Variants in NR4A1 observed in about 807,000 individuals in gnomAD.
The protein encoded by NR4A1 is nuclear receptor subfamily 4immunitygroup A member 1.
NR4A1 carries 24 observed loss-of-function variants against 47.5 expected under a neutral mutation model. The ratio of observed to expected loss-of-function variants is 0.50; its 90% CI spans 0.37 to 0.71. NR4A1 has a LOEUF of 0.71. NR4A1 is among the 30% of genes least tolerant of loss of function. The pLI is 0.00. For missense variants in NR4A1, 669 were observed against 788.6 expected, an observed-to-expected ratio of 0.85 and a Z score of 1.82; for synonymous variants, 353 against 345.7, an observed-to-expected ratio of 1.02 and a Z score of -0.24.
intron 1 of NR4A1, chr12:52,052,664 T>G: frequency 1.0e-6 from 1 of 985,494 alleles, no homozygotes; most frequent in South Asian, 4.7e-5. Context: ...ATATCTTGTG[T>G]TGTTAAGAAC....
intron 1 of NR4A1, 110 bp downstream of exon 1, chr12:52,051,678 G>A (rs1351542762): frequency 4.1e-6 from 3 of 723,000 alleles, no homozygotes; most frequent in Non-Finnish European, 5.1e-6. Context: ...AAGAGGGTAG[G>A]TGTAGTGTGC....
At chr12:52,028,747 T>C (rs1938054947) in intron 1 of NR4A1, among the ~76,000 whole-genome samples, 1 of 151,570 alleles carries the variant, frequency 6.6e-6, no homozygotes, top group African/African-American at 2.4e-5. Flanking sequence ...CTACTAAAAA[T>C]ACAAAAATTA....
intron 5 of NR4A1, 25 bp from the exon 6 acceptor site, chr12:52,057,327 C>T: frequency 6.2e-7 from 1 of 1,614,128 alleles, no homozygotes; most frequent in Non-Finnish European, 8.5e-7. Context: ...ACCCTGATCG[C>T]TCTTCGTGCC....
chr12:52,045,423 C>T (rs1938594612), intron 2 of NR4A1: 2 of 403,980 alleles, frequency 5.0e-6, no homozygotes, highest in Non-Finnish European at 1.0e-5. Flanking sequence ...GTAGCACTTC[C>T]CTGTGCCCTG....
intron 1 of NR4A1, among the ~76,000 whole-genome samples, chr12:52,040,589 T>C (rs1938396637): frequency 6.6e-6 from 1 of 152,180 alleles, no homozygotes; most frequent in Admixed American, 6.5e-5. Context: ...CAGTCTGCCC[T>C]CCCTTCCCTC....
chr12:52,058,923 C>A lies in NR4A1; in HGVS notation c.1776C>A (p.Phe592Leu). The A allele has an allele frequency of 6.2e-7, 1 of 1,612,836 alleles. No homozygotes were observed. Among genetic ancestry groups the A allele is most frequent in the Non-Finnish European group, 8.5e-7 (1 of 1,178,984 alleles). Residue 592 changes from phenylalanine (F) to leucine (L), a missense_variant, in exon 7 of 7, where the codon TTC becomes TTA. By Grantham distance (22) the Phe-to-Leu change is conservative (BLOSUM62 0). Coordinates refer to ENST00000394825, the MANE Select transcript of NR4A1 (RefSeq NM_173157.3). ...VPPPPIIDKI[F>L]MDTLPF is the part of the protein sequence containing the mutation. ...CTCCACCCATCATTGACAAGATCTT[C>A]ATGGACACGCTGCCCTTCTGACCCC...
exon 2 of NR4A1, chr12:52,041,914 T>G (rs1938454676): frequency 6.7e-7 from 1 of 1,491,986 alleles, no homozygotes; most frequent in Non-Finnish European, 8.9e-7. Context: ...CAAGGCCTGT[T>G]GGTCCATCCA....
At chr12:52,037,191 G>A (rs1433337317) in intron 1 of NR4A1, 1 of 178,480 alleles carries the variant, frequency 5.6e-6, no homozygotes, top group African/African-American at 2.4e-5. Context: ...CGCGGGGGCG[G>A]GGGGCGCCGC....
chr12:52,058,494 T>G, intron 6 of NR4A1, 194 bp from the exon 7 acceptor site: 13 of 682,474 alleles, frequency 1.9e-5, no homozygotes, highest in Non-Finnish European at 2.6e-5. Flanking sequence ...ACTTGGAGTA[T>G]GAGGATAATG....
intron 2 of NR4A1, 135 bp downstream of exon 2, chr12:52,055,339 A>G: frequency 8.5e-7 from 1 of 1,180,332 alleles, no homozygotes; most frequent in South Asian, 1.5e-5. Flanking sequence ...CAGCCCTGCC[A>G]GGTGGGCCGC....
intron 1 of NR4A1, among the ~76,000 whole-genome samples, chr12:52,027,867 G>A (rs1453663756): frequency 6.6e-6 from 1 of 152,166 alleles, no homozygotes; most frequent in East Asian, 1.9e-4. Context: ...AGGAGTGTAG[G>A]AGGGCGTTCT....
intron 1 of NR4A1, among the ~76,000 whole-genome samples, chr12:52,036,314 G>A (rs1938235000): frequency 6.6e-6 from 1 of 152,018 alleles, no homozygotes; most frequent in Non-Finnish European, 1.5e-5. Flanking sequence ...GAAGACTCTG[G>A]TCAGAGGAGG....
In NR4A1 at chr12:52,023,009, G is replaced by A. The variant is rs543132873; in HGVS notation, c.-84+70G>A. On this transcript the variant is annotated intron_variant, in intron 1 of 7. Transcript: ENST00000360284. ...ACACACTGTCCAGCCCCTGTCGTCTGGCTGGGTATCGCCAGTGCTCAGGGG... is the reference window on the plus strand; with the variant it reads ...ACACACTGTCCAGCCCCTGTCGTCTAGCTGGGTATCGCCAGTGCTCAGGGG... 9 of 152,454 alleles carry A rather than the reference G, an allele frequency of 5.9e-5. No homozygotes were observed. The East Asian group carries it at 1.7e-3, about 29-fold the overall frequency. The allele number at this position is 152,454 out of a possible 1,614,324, so 9.4% of individuals were successfully genotyped here. A position where few individuals can be genotyped will look rare whatever the true frequency, so the allele number is the denominator to read the frequency against.
At chr12:52,048,451 T>C (rs756191696), upstream of NR4A1, among the ~76,000 whole-genome samples, 2 of 149,630 alleles carry the variant, frequency 1.3e-5, no homozygotes, top group South Asian at 4.3e-4. Flanking sequence ...AAAAATTAGC[T>C]GGCGTGGTGG....
At chr12:52,029,936 C>A (rs1023307915) in intron 1 of NR4A1, among the ~76,000 whole-genome samples, 4 of 152,222 alleles carry the variant, frequency 2.6e-5, no homozygotes, top group African/African-American at 9.6e-5. Flanking sequence ...ATCTGGGCTG[C>A]CCCAGTGGCC....
At position 52,054,309 on chromosome 12, in the gene NR4A1, G is replaced by C. The variant is rs768620311; in HGVS notation, c.-2-18G>C. 6.3e-7 allele frequency: 1 copy of C among 1,583,328 alleles called. No individual in the cohort carries two copies. Among genetic ancestry groups the C allele is most frequent in the Non-Finnish European group, 8.6e-7 (1 of 1,162,100 alleles). ...CACTGACTCTCCTTTCCCTCCCTGG[G>C]GTCTCCTCTCTCTCCAGAGATGCCC... On this transcript the variant is annotated intron_variant, in intron 1 of 6. Transcript: ENST00000394825.
In NR4A1 at chr12:52,059,489, G is replaced by A. The variant is rs1939449932; in HGVS notation, c.*545G>A. The A allele has an allele frequency of 6.6e-6, 1 of 152,186 alleles. No individual in the cohort carries two copies. Among genetic ancestry groups the A allele is most frequent in the South Asian group, 2.1e-4 (1 of 4,828 alleles). 9.4% of individuals were successfully genotyped at this position (152,186 alleles called of 1,614,324 possible). On this transcript the variant is annotated 3_prime_UTR_variant, in exon 7 of 7. Coordinates refer to ENST00000394825, the MANE Select transcript of NR4A1 (RefSeq NM_173157.3). ...TATTTAATATATTGAATAAAAAATA[G>A]ACATGTAGTTGGAACTGAGATTCAG...
intron 1 of NR4A1, among the ~76,000 whole-genome samples, chr12:52,025,040 C>T (rs1937974605): frequency 6.6e-6 from 1 of 151,408 alleles, no homozygotes; most frequent in African/African-American, 2.4e-5. Flanking sequence ...AGGCCTCCGC[C>T]TCTCGGACCT....
chr12:52,051,282 TC>T (rs1723053613), upstream of NR4A1: 2 of 373,340 alleles, frequency 5.4e-6, no homozygotes, highest in Non-Finnish European at 7.4e-6. Context: ...CCCCTCGGGC[TC>T]CCCGGGCCGC....
Sources: gnomAD v4.1 joint callset for allele counts (sites outside exome capture counted in the v4.1 genomes callset) on GRCh38, gnomAD v4.1.1 for gene constraint, MANE v1.5 for transcripts, NCBI Gene and HGNC (gene_info 2026-07-23, HGNC 2026-07-21) for gene names.